Variants in ENAH observed in about 807,000 individuals in gnomAD.
ENAH encodes protein enabled homolog.
In ENAH, 23 loss-of-function variants were observed where a neutral mutation model predicts 78.7. The observed-to-expected ratio is 0.29, with a 90% CI of 0.21 to 0.41. The LOEUF (loss-of-function observed/expected upper bound fraction) is 0.41, where lower values mean the gene tolerates loss of function less well. Among genes scored for constraint, ENAH ranks in the 10% least tolerant of loss-of-function variants. The pLI, the probability that ENAH is intolerant of heterozygous loss-of-function variation, is 1.00. For missense variants in ENAH, 544 were observed against 691.0 expected (o/e 0.79, Z 2.39); for synonymous variants, 226 against 241.0 (o/e 0.94, Z 0.58).
chr1:225,591,910 C>G (rs1015070751), intron 1 of ENAH, among the ~76,000 whole-genome samples: 11 of 151,928 alleles, frequency 7.2e-5, no homozygotes, highest in Non-Finnish European at 1.6e-4. Context: ...GAAGTTAAAC[C>G]TAAGTGAATT....
rs1263961411 is a variant in ENAH, at chr1:225,494,234, T to C, written c.*3541A>G. The C allele has an allele frequency of 6.6e-6, 1 of 151,998 alleles. No individual in the cohort carries two copies. The highest frequency in any genetic ancestry group is 2.4e-5 in the African/African-American group (1 of 41,384). The allele number at this position is 151,998 out of a possible 1,614,324, so 9.4% of individuals were successfully genotyped here. A position where few individuals can be genotyped will look rare whatever the true frequency, so the allele number is the denominator to read the frequency against. On this transcript the variant is annotated 3_prime_UTR_variant, in exon 14 of 14. Transcript: ENST00000366843. ...AAGAAAAAATACAAGGATTGTATTTTTGTATTTCTAATGAAGACATCAGAA... is the reference window on the plus strand; with the variant it reads ...AAGAAAAAATACAAGGATTGTATTTCTGTATTTCTAATGAAGACATCAGAA...
At chr1:225,537,829 T>C (rs2096569529) in intron 3 of ENAH, among the ~76,000 whole-genome samples, 1 of 152,074 alleles carries the variant, frequency 6.6e-6, no homozygotes, top group Admixed American at 6.6e-5. Flanking sequence ...AGGCGTTTTG[T>C]ACAAGCAGGG....
rs1005940979 is a variant in ENAH, at chr1:225,530,997, G to C, written c.350-359C>G. On this transcript the variant is annotated intron_variant, in intron 3 of 13. Coordinates refer to ENST00000366843, the MANE Select transcript of ENAH (RefSeq NM_018212.6). ...CATTCTCTTTGGGGTAATTATTCAT[G>C]AAGTGGAGAGGGAGAACTTAAATGA... 3.2e-5 allele frequency: 13 copies of C among 400,740 alleles called. No homozygotes were observed. In the Admixed American group the frequency reaches 5.2e-4, roughly 16 times the overall value. 24.8% of individuals were successfully genotyped at this position (400,740 alleles called of 1,614,324 possible).
rs181533929 is a variant in ENAH, at chr1:225,594,134, T to A, written c.6-26720A>T. ...TTATCTTGAGAACCATTCACATTGC[T>A]TCTCTGGAACACTGCTAGATTCAAA... On this transcript the variant is annotated intron_variant, in intron 1 of 13. Coordinates refer to ENST00000366843, the MANE Select transcript of ENAH (RefSeq NM_018212.6). 6.7e-3 allele frequency among the ~76,000 whole-genome samples: 1,014 copies of A among 152,324 alleles called. 14 individuals carry two copies. The highest frequency in any genetic ancestry group is 0.023 in the African/African-American group (955 of 41,568).
At chr1:225,513,526 T>C (rs948878170) in intron 7 of ENAH, among the ~76,000 whole-genome samples, 15 of 152,232 alleles carry the variant, frequency 9.9e-5, no homozygotes, top group African/African-American at 2.9e-4. Context: ...TAGATGAAAT[T>C]TGAATAATAC....
intron 1 of ENAH, among the ~76,000 whole-genome samples, chr1:225,647,802 C>T (rs969584432): frequency 6.6e-6 from 1 of 152,144 alleles, no homozygotes; most frequent in African/African-American, 2.4e-5. Flanking sequence ...AACACTTACA[C>T]AGGCCACCCA....
At chr1:225,650,848 T>TAC (rs1662839489) in intron 1 of ENAH, among the ~76,000 whole-genome samples, 6 of 58,934 alleles carry the variant, frequency 1.0e-4, no homozygotes, top group African/African-American at 4.4e-4. Context: ...AGACTGCATT[T>TAC]AAAAAAAAAA....
chr1:225,603,027 T>C (rs1025989724), intron 1 of ENAH, among the ~76,000 whole-genome samples: 6 of 151,596 alleles, frequency 4.0e-5, no homozygotes, highest in African/African-American at 1.2e-4. Context: ...CTATGAAGTA[T>C]AGCCAACAGT....
chr1:225,512,576 T>A lies in ENAH; in HGVS notation c.1422+81A>T. 4.3e-6 allele frequency: 6 copies of A among 1,388,268 alleles called. No homozygotes were observed. In the South Asian group the frequency reaches 8.1e-5, roughly 19 times the overall value. 86.0% of individuals were successfully genotyped at this position (1,388,268 alleles called of 1,614,324 possible). A position where few individuals can be genotyped will look rare whatever the true frequency, so the allele number is the denominator to read the frequency against. Reference sequence around the variant, plus strand: ...TCAAACTAATTAAGCCCAAATTAAATAAATGCTGACACTATTTCCTGAATG... The same window carrying A: ...TCAAACTAATTAAGCCCAAATTAAAAAAATGCTGACACTATTTCCTGAATG... On this transcript the variant is annotated intron_variant, in intron 9 of 13. Transcript: ENST00000366843.
chr1:225,541,083 T>C (rs372816715), intron 3 of ENAH, among the ~76,000 whole-genome samples: 13 of 152,114 alleles, frequency 8.5e-5, no homozygotes, highest in African/African-American at 2.9e-4. Flanking sequence ...TATGGAGGAA[T>C]TGGGGTAAAG....
At chr1:225,555,443 G>A (rs758235441) in intron 2 of ENAH, among the ~76,000 whole-genome samples, 3 of 152,042 alleles carry the variant, frequency 2.0e-5, no homozygotes, top group South Asian at 2.1e-4. Flanking sequence ...TTAGCCAGGC[G>A]CAGTGGCGGG....
chr1:225,525,122 CAT>C (rs970896313), intron 4 of ENAH, among the ~76,000 whole-genome samples: 103 of 152,310 alleles, frequency 6.8e-4, no homozygotes, highest in Non-Finnish European at 4.6e-4. Context: ...GTACTTATCA[CAT>C]GTTTCTAAAT....
At position 225,596,993 on chromosome 1, in the gene ENAH, A is replaced by C. The variant is rs2096904776; in HGVS notation, c.6-29579T>G. On this transcript the variant is annotated intron_variant, in intron 1 of 13. Coordinates refer to ENST00000366843, the MANE Select transcript of ENAH (RefSeq NM_018212.6). Reference sequence around the variant, plus strand: ...GTGTACTGTTTCTGTCATTCTGATGAGATCTAGGATAGAAGACTTCTAAAT... The same window carrying C: ...GTGTACTGTTTCTGTCATTCTGATGCGATCTAGGATAGAAGACTTCTAAAT... Among the ~76,000 whole-genome samples the C allele has an allele frequency of 1.3e-5, 2 of 152,236 alleles. 1 individual carries two copies. Among genetic ancestry groups the C allele is most frequent in the South Asian group, 4.1e-4 (2 of 4,832 alleles).
chr1:225,523,133 A>G lies in ENAH; in HGVS notation c.435-3568T>C, dbSNP rs138323514. On this transcript the variant is annotated intron_variant, in intron 4 of 13. Transcript: ENST00000366843. ...TATGGAAAATCAATATTCACAGCTT[A>G]CATTATTAACATGATAATGTAAATA... Among the ~76,000 whole-genome samples, 177 of 152,182 alleles carry G rather than the reference A, an allele frequency of 1.2e-3. 1 individual carries two copies. Among genetic ancestry groups the G allele is most frequent in the Middle Eastern group, 3.4e-3 (1 of 294 alleles).
intron 1 of ENAH, among the ~76,000 whole-genome samples, chr1:225,614,826 A>G (rs985373123): frequency 6.6e-6 from 1 of 152,172 alleles, no homozygotes; most frequent in African/African-American, 2.4e-5. Context: ...ATTATATTAC[A>G]ATACCACATT....
At chr1:225,596,384 T>C (rs951400055) in intron 1 of ENAH, among the ~76,000 whole-genome samples, 5 of 152,196 alleles carry the variant, frequency 3.3e-5, no homozygotes, top group Non-Finnish European at 7.3e-5. Context: ...AGGACTCAAG[T>C]TGAGTTTAGC....
intron 1 of ENAH, among the ~76,000 whole-genome samples, chr1:225,608,730 C>T (rs924143830): frequency 3.4e-5 from 5 of 147,566 alleles, no homozygotes; most frequent in African/African-American, 5.1e-5. Context: ...GCAGGAAAAT[C>T]GCTTGAACCC....
At chr1:225,521,672 T>C (rs2096469374) in intron 4 of ENAH, among the ~76,000 whole-genome samples, 1 of 151,956 alleles carries the variant, frequency 6.6e-6, no homozygotes, top group African/African-American at 2.4e-5. Flanking sequence ...ATCTTTATCT[T>C]ACACATACGT....
intron 1 of ENAH, among the ~76,000 whole-genome samples, chr1:225,594,057 G>A (rs1048229944): frequency 1.3e-5 from 2 of 152,196 alleles, no homozygotes; most frequent in Non-Finnish European, 2.9e-5. Context: ...GGTGAAACGA[G>A]TGTGCCTGCC....
Sources: allele counts gnomAD v4.1 joint callset (sites outside exome capture counted in the v4.1 genomes callset), GRCh38; gene constraint gnomAD v4.1.1; transcripts MANE v1.5; gene names NCBI Gene and HGNC (gene_info 2026-07-23, HGNC 2026-07-21).